Variants in MYBPH observed in about 807,000 individuals in gnomAD.
MYBPH encodes the protein myosin binding protein H.
In MYBPH, 49 loss-of-function variants were observed where a neutral mutation model predicts 53.6. That is an observed-to-expected ratio of 0.91 (90% confidence interval 0.73 to 1.16). The LOEUF is 1.16. MYBPH is among the 50% of genes most tolerant of loss of function. The pLI is 0.00. For synonymous variants in MYBPH, 239 were observed against 249.6 expected, an observed-to-expected ratio of 0.96 and a Z score of 0.40; for missense variants, 558 against 624.1, an observed-to-expected ratio of 0.89 and a Z score of 1.13.
Position 203,170,231 on chromosome 1 carries a change from C to T in MYBPH, c.1093+60G>A, listed in dbSNP as rs902636423. ...ACCCAGAGAGAGGGGTGCAGAGACG[C>T]GGAGGAAGAAGCAGAGACAGGGAGA... On this transcript the variant is annotated intron_variant, in intron 7 of 10. Transcript: ENST00000255416. 80 of 1,595,056 alleles carry T rather than the reference C, an allele frequency of 5.0e-5. 1 individual carries two copies. The Admixed American group carries it at 6.6e-4, about 13-fold the overall frequency.
chr1:203,172,011 G>A lies in MYBPH; in HGVS notation c.538C>T (p.Leu180Phe), dbSNP rs1418494850. ...ACCTGGCGGATGTAGGTCTGACGGA[G>A]GTGGCGGGGGACACGGATCTTGGGG... ...EAPKIRVPRH[L>F]RQTYIRQVGE... Residue 180 changes from leucine (L) to phenylalanine (F), a missense_variant, in exon 4 of 11, where the codon CTC (leucine) becomes TTC (phenylalanine). Transcript: ENST00000255416. The A allele has an allele frequency of 1.5e-6, 2 of 1,322,778 alleles. No individual in the cohort carries two copies. The highest frequency in any genetic ancestry group is 1.9e-6 in the Non-Finnish European group (2 of 1,028,244). 81.9% of individuals were successfully genotyped at this position (1,322,778 alleles called of 1,614,324 possible). A position where few individuals can be genotyped will look rare whatever the true frequency, so the allele number is the denominator to read the frequency against.
chr1:203,171,116 G>A lies in MYBPH; in HGVS notation c.878C>T (p.Thr293Ile). The A allele has an allele frequency of 6.2e-7, 1 of 1,613,312 alleles. No individual in the cohort carries two copies. Among genetic ancestry groups the A allele is most frequent in the Non-Finnish European group, 8.5e-7 (1 of 1,179,652 alleles). The change falls in exon 6 of 11, where the codon ACA (threonine) becomes ATA (isoleucine). Residue 293 changes from threonine to isoleucine, a missense_variant. Coordinates refer to ENST00000255416, the MANE Select transcript of MYBPH (RefSeq NM_004997.3). This position sits in a 1 kb window ranked among gnomAD's most constrained non-coding sequence, Gnocchi z 4.2. Reference protein sequence around the residue: ...AALQWTPPQDTGNTELLGYMV... With the variant: ...AALQWTPPQDIGNTELLGYMV... ...GTAGCCCAGGAGCTCTGTGTTGCCT[G>A]TGTCCTGGGGTGGCGTCCACTGAAG...
intron 3 of MYBPH, among the ~76,000 whole-genome samples, chr1:203,173,474 G>A (rs1237344676): frequency 6.6e-6 from 1 of 152,240 alleles, no homozygotes; most frequent in East Asian, 1.9e-4. Flanking sequence ...AAGGCTGGGT[G>A]ACCTCAAGGG....
At position 203,170,447 on chromosome 1, in the gene MYBPH, A is replaced by G. The variant is rs760501699; in HGVS notation, c.937T>C (p.Trp313Arg). Residue 313 changes from tryptophan to arginine, a missense_variant, in exon 7 of 11, where the codon TGG (tryptophan) becomes CGG (arginine). By Grantham distance (101) the Trp-to-Arg change is moderately radical. Coordinates refer to ENST00000255416, the MANE Select transcript of MYBPH (RefSeq NM_004997.3). The part of the protein sequence containing the change: ...VQKADKKTGQ[W>R]FTVLERYHPT... ...TGGTAGCGCTCCAGCACTGTGAACC[A>G]TTGCTGCAGGGCCCCGGGTGTCACC... The G allele has an allele frequency of 1.5e-5, 25 of 1,613,722 alleles. No individual in the cohort carries two copies. The highest frequency in any genetic ancestry group is 2.1e-5 in the Non-Finnish European group (25 of 1,179,796).
In MYBPH at chr1:203,171,514, C is replaced by T. The variant is rs1571821214; in HGVS notation, c.662G>A (p.Ser221Asn). Residue 221 changes from serine (S) to asparagine (N), a missense_variant, in exon 5 of 11, where the codon AGC becomes AAC. Coordinates refer to ENST00000255416, the MANE Select transcript of MYBPH (RefSeq NM_004997.3). This position sits in a 1 kb window ranked among gnomAD's most constrained non-coding sequence, Gnocchi z 4.2. ...GGAGTCCTGGTCCCCGGTGCGCATG[C>T]TCACCCGCTGGCTGTCCAGGGCATG... ...NGHALDSQRV[S>N]MRTGDQDSIL... 17 of 1,613,820 alleles carry T rather than the reference C, an allele frequency of 1.1e-5. No individual in the cohort carries two copies. Among genetic ancestry groups the T allele is most frequent in the Non-Finnish European group, 1.4e-5 (16 of 1,179,988 alleles).
At chr1:203,176,739 C>T (rs940488557), upstream of MYBPH, among the ~76,000 whole-genome samples, 18 of 152,132 alleles carry the variant, frequency 1.2e-4, no homozygotes, top group Non-Finnish European at 2.5e-4. Flanking sequence ...TGCCATGTGT[C>T]AGGAAGGAGG....
chr1:203,169,514 T>C, intron 7 of MYBPH, 125 bp from the exon 8 acceptor site: 1 of 1,348,530 alleles, frequency 7.4e-7, no homozygotes, highest in Admixed American at 2.0e-5. Context: ...ACTTGGACAA[T>C]CTCAAAGAGG....
Position 203,174,503 on chromosome 1 carries a change from C to T in MYBPH, c.435G>A (p.Val145=), listed in dbSNP as rs1269839726. 6.2e-7 allele frequency: 1 copy of T among 1,613,500 alleles called. No individual in the cohort carries two copies. The highest frequency in any genetic ancestry group is 8.5e-7 in the Non-Finnish European group (1 of 1,179,482). ...CAGCCCCTGCAGAACTCACTGCAGA[C>T]ACGCGCAGGAGGAACTTGTCTCCCA... ...LALGDKFLLR[V]SAVSSAGAGP... Residue 145 remains valine, a synonymous_variant, in exon 3 of 11, where the codon GTG becomes GTA. Coordinates refer to ENST00000255416, the MANE Select transcript of MYBPH (RefSeq NM_004997.3).
intron 9 of MYBPH, 47 bp downstream of exon 9, chr1:203,168,859 G>A (rs1181201131): frequency 1.2e-6 from 2 of 1,606,710 alleles, no homozygotes; most frequent in African/African-American, 2.7e-5. Context: ...CTCTAGTCCA[G>A]TTCCAGAGAG....
upstream of MYBPH, chr1:203,175,880 C>A (rs553493887): frequency 5.8e-5 from 54 of 927,598 alleles, no homozygotes; most frequent in East Asian, 1.4e-3. Flanking sequence ...CCACCCCCAG[C>A]AAACGATTCC....
Position 203,175,435 on chromosome 1 carries a change from T to G in MYBPH, c.232A>C (p.Thr78Pro). ...EDVPSAPLLL[T>P]LDDVSSSSVT... ...GAGCTGCTGCTCACATCATCCAGGGTCAGCAGCAGTGGGGCACTGGGGACA... is the reference window on the plus strand; with the variant it reads ...GAGCTGCTGCTCACATCATCCAGGGGCAGCAGCAGTGGGGCACTGGGGACA... Residue 78 changes from threonine (T) to proline (P), a missense_variant, in exon 2 of 11, where the codon ACC (threonine) becomes CCC (proline). Coordinates refer to ENST00000255416, the MANE Select transcript of MYBPH (RefSeq NM_004997.3). 1 of 1,569,822 alleles carries G rather than the reference T, an allele frequency of 6.4e-7. No homozygotes were observed. The highest frequency in any genetic ancestry group is 8.6e-7 in the Non-Finnish European group (1 of 1,156,310).
upstream of MYBPH, among the ~76,000 whole-genome samples, chr1:203,176,830 T>C (rs1345883564): frequency 1.3e-5 from 2 of 152,062 alleles, no homozygotes; most frequent in Non-Finnish European, 2.9e-5. Context: ...CCTAGTAAAA[T>C]GGATGAGGTG....
Position 203,174,604 on chromosome 1 carries a change from G to A in MYBPH, c.341-7C>T. On this transcript the variant is annotated splice_region_variant and splice_polypyrimidine_tract_variant and intron_variant, in intron 2 of 10. Coordinates refer to ENST00000255416, the MANE Select transcript of MYBPH (RefSeq NM_004997.3). ...ACAGGCACCCACTCCGAGGCTGAGG[G>A]GATGGAGAGAGTGTGAGGTCTTTGC... 2 of 1,586,694 alleles carry A rather than the reference G, an allele frequency of 1.3e-6. No homozygotes were observed. Among genetic ancestry groups the A allele is most frequent in the South Asian group, 2.2e-5 (2 of 89,508 alleles).
chr1:203,176,537 T>G (rs12139072), upstream of MYBPH, among the ~76,000 whole-genome samples: 144,630 of 152,176 alleles, frequency 0.95, 68,909 homozygotes, highest in Non-Finnish European at 0.98. Flanking sequence ...TCGGGATGGG[T>G]TGCAGTTGTA....
At chr1:203,177,375 C>A (rs373485239), upstream of MYBPH, among the ~76,000 whole-genome samples, 19 of 152,198 alleles carry the variant, frequency 1.2e-4, no homozygotes, top group Non-Finnish European at 2.4e-4. Flanking sequence ...CTCTTTAGCA[C>A]GTAAGATGTG....
intron 3 of MYBPH, 107 bp from the exon 4 acceptor site, chr1:203,172,147 G>A (rs1331444387): frequency 4.6e-6 from 3 of 652,376 alleles, no homozygotes; most frequent in African/African-American, 1.9e-5. Flanking sequence ...TGGGAGGAGG[G>A]TCCTGGGTGT....
In MYBPH at chr1:203,171,166, C is replaced by G. The variant is rs758557553; in HGVS notation, c.828G>C (p.Leu276=). The change falls in exon 6 of 11, where the codon CTG becomes CTC. Residue 276 remains leucine, a synonymous_variant. Transcript: ENST00000255416. This position sits in a 1 kb window ranked among gnomAD's most constrained non-coding sequence, Gnocchi z 4.2. The part of the protein sequence containing the change: ...KPGPPSSIRL[L]DVWGCNAALQ... ...GAGCAGCATTGCAGCCCCAGACGTC[C>G]AGGAGCCTGATGCTGCTGGGGGGTC... The G allele has an allele frequency of 6.2e-7, 1 of 1,611,280 alleles. No homozygotes were observed. Among genetic ancestry groups the G allele is most frequent in the Non-Finnish European group, 8.5e-7 (1 of 1,178,724 alleles).
rs1390156135 is a variant in MYBPH at position 203,175,632 on chromosome 1, C to T, written c.124G>A (p.Glu42Lys). 6 of 1,613,980 alleles carry T rather than the reference C, an allele frequency of 3.7e-6. No individual in the cohort carries two copies. Among genetic ancestry groups the T allele is most frequent in the Admixed American group, 1.7e-5 (1 of 60,012 alleles). ...EVAVSESTRE[E>K]QVPKPQAPAP... ...GGGGCCTGCGGCTTGGGCACCTGCT[C>T]TTCTCTGGTGGACTCTGATACTGCC... The change falls in exon 1 of 11, where the codon GAG becomes AAG. Residue 42 changes from glutamate to lysine, a missense_variant. Transcript: ENST00000255416.
In MYBPH at chr1:203,168,690, G is replaced by C; in HGVS notation, c.1418-15C>G. On this transcript the variant is annotated splice_polypyrimidine_tract_variant and intron_variant, in intron 9 of 10. Coordinates refer to ENST00000255416, the MANE Select transcript of MYBPH (RefSeq NM_004997.3). The stretch of plus-strand genomic sequence containing the variant: ...TGCGGCTGAGGCTGGAAGAGATGCT[G>C]CAGTTAGAGCTTGGGGGAAGTGGCG... The C allele has an allele frequency of 6.4e-7, 1 of 1,573,516 alleles. No homozygotes were observed. The highest frequency in any genetic ancestry group is 8.6e-7 in the Non-Finnish European group (1 of 1,159,046).
Sources: allele counts gnomAD v4.1 joint callset (sites outside exome capture counted in the v4.1 genomes callset), GRCh38; gene constraint gnomAD v4.1.1; non-coding constraint Gnocchi (gnomAD v3.1); transcripts MANE v1.5; gene names NCBI Gene and HGNC (gene_info 2026-07-23, HGNC 2026-07-21).